Variants in RELL1 observed in about 807,000 individuals in gnomAD.
RELL1 encodes the protein RELT-like protein 1.
In RELL1, 10 loss-of-function variants were observed where a neutral mutation model predicts 23.0. That is an observed-to-expected ratio of 0.43 (90% CI 0.27 to 0.74). The LOEUF is 0.74. RELL1 is among the 30% of genes least tolerant of loss of function. The probability of loss-of-function intolerance (pLI) is 0.19; values close to 1 mark genes in which losing one functional copy is unlikely to be tolerated. For missense variants in RELL1, 315 were observed against 364.4 expected (o/e 0.86, Z 1.10); for synonymous variants, 146 against 146.8 (o/e 0.99, Z 0.04).
At chr4:37,602,029 C>T (rs1577556202) in intron 6 of RELL1, among the ~76,000 whole-genome samples, 1 of 151,626 alleles carries the variant, frequency 6.6e-6, no homozygotes. Context: ...GCCTGGGCAA[C>T]GTGAAAAAAA....
At chr4:37,669,437 C>T (rs1392630402) in intron 1 of RELL1, among the ~76,000 whole-genome samples, 1 of 150,910 alleles carries the variant, frequency 6.6e-6, no homozygotes, top group Admixed American at 6.6e-5. Flanking sequence ...CCCGGCCAGC[C>T]ACCCCGTCCG....
intron 1 of RELL1, among the ~76,000 whole-genome samples, chr4:37,684,840 C>T (rs1722344863): frequency 6.6e-6 from 1 of 152,190 alleles, no homozygotes; most frequent in South Asian, 2.1e-4. Context: ...GTAATCCCAG[C>T]TGCTCAGAAG....
At chr4:37,624,659 G>A (rs1239893094) in intron 6 of RELL1, among the ~76,000 whole-genome samples, 1 of 151,790 alleles carries the variant, frequency 6.6e-6, no homozygotes, top group Non-Finnish European at 1.5e-5. Flanking sequence ...TCGATCTCCT[G>A]ACCTCGTGAT....
intron 6 of RELL1, among the ~76,000 whole-genome samples, chr4:37,631,076 A>G (rs1476003291): frequency 2.0e-5 from 3 of 152,180 alleles, no homozygotes; most frequent in Admixed American, 1.3e-4. Flanking sequence ...CAAGCCCTAT[A>G]TGGTGGGTGA....
At chr4:37,682,429 A>G (rs1004966815) in intron 1 of RELL1, among the ~76,000 whole-genome samples, 18 of 152,328 alleles carry the variant, frequency 1.2e-4, no homozygotes, top group Non-Finnish European at 1.9e-4. Context: ...TCATTTCTCT[A>G]TTGTTTCAAT....
chr4:37,631,476 C>T lies in RELL1; in HGVS notation c.728G>A (p.Arg243Lys). The part of the protein sequence containing the change: ...VEHKSNQKER[R>K]SLMSVSGAET... ...AGCCCCACTAACAGACATCAGGCTT[C>T]TCCGTTCCTTCTGGTTTGACTTGTG... is the stretch of plus-strand genomic sequence containing the variant. The change falls in exon 6 of 7, where the codon AGA becomes AAA. Residue 243 changes from arginine to lysine, a missense_variant. Transcript: ENST00000454158. 1 of 1,614,148 alleles carries T rather than the reference C, an allele frequency of 6.2e-7. No homozygotes were observed. The highest frequency in any genetic ancestry group is 8.5e-7 in the Non-Finnish European group (1 of 1,180,026).
intron 6 of RELL1, among the ~76,000 whole-genome samples, chr4:37,604,890 C>CACAG (rs1560323937): frequency 1.4e-4 from 6 of 44,266 alleles, no homozygotes; most frequent in Non-Finnish European, 2.6e-4. Context: ...TACACACAGA[C>CACAG]ACACACACAG....
At chr4:37,629,007 A>G (rs1009971761) in intron 6 of RELL1, among the ~76,000 whole-genome samples, 6 of 152,198 alleles carry the variant, frequency 3.9e-5, no homozygotes, top group South Asian at 2.1e-4. Flanking sequence ...TCCCAGATCT[A>G]GAGTACCGCT....
rs906415074 is a variant in RELL1, at chr4:37,626,020, A to G, written c.*3+5365T>C. Among the ~76,000 whole-genome samples, 8 of 152,346 alleles carry G rather than the reference A, an allele frequency of 5.3e-5. No individual in the cohort carries two copies. In the East Asian group the frequency reaches 1.5e-3, roughly 29 times the overall value. On this transcript the variant is annotated intron_variant, in intron 6 of 6. Coordinates refer to ENST00000454158, the MANE Select transcript of RELL1 (RefSeq NM_001085400.2). ...CTCAACATTACTAATCATCATGGAA[A>G]TATAAATTAAAACTATAATGAGATA...
In RELL1 at chr4:37,637,084, C is replaced by A. The variant is rs1280391201; in HGVS notation, c.443+1363G>T. The stretch of plus-strand genomic sequence containing the variant: ...TCATTCAACAAGCATTTCTCAAGTA[C>A]CAGCTATGTACAAAACCCACTGACG... On this transcript the variant is annotated intron_variant, in intron 4 of 6. Transcript: ENST00000454158. Among the ~76,000 whole-genome samples, 3 of 152,190 alleles carry A rather than the reference C, an allele frequency of 2.0e-5. No individual in the cohort carries two copies. The East Asian group carries it at 5.8e-4, about 29-fold the overall frequency.
intron 6 of RELL1, among the ~76,000 whole-genome samples, chr4:37,619,158 C>G (rs1214553983): frequency 3.3e-5 from 5 of 151,086 alleles, no homozygotes; most frequent in Non-Finnish European, 5.9e-5. Context: ...GGATCACAGG[C>G]GTGAGCCACT....
At chr4:37,660,232 G>A (rs145349831) in intron 1 of RELL1, among the ~76,000 whole-genome samples, 4 of 151,594 alleles carry the variant, frequency 2.6e-5, no homozygotes, top group Non-Finnish European at 5.9e-5. Context: ...CCAGCTACCT[G>A]TGTGATACTG....
At chr4:37,665,299 G>A (rs1019698443) in intron 1 of RELL1, 3 of 456,148 alleles carry the variant, frequency 6.6e-6, no homozygotes, top group African/African-American at 6.0e-5. Flanking sequence ...TCACCCCCTT[G>A]TTGGGTAAGT....
intron 6 of RELL1, among the ~76,000 whole-genome samples, chr4:37,597,479 A>T (rs1026543339): frequency 6.6e-6 from 1 of 152,216 alleles, no homozygotes; most frequent in Admixed American, 6.5e-5. Context: ...GGTCCAACTC[A>T]TTCTTTTCCA....
At chr4:37,590,590 C>T (rs143923373), downstream of RELL1, 72 of 1,614,140 alleles carry the variant, frequency 4.5e-5, no homozygotes, top group African/African-American at 5.7e-4. Flanking sequence ...AGTACAAGAC[C>T]ATGTCTTCCA....
chr4:37,686,201 C>T lies in RELL1; in HGVS notation c.87G>A (p.Pro29=), dbSNP rs1270591461. Residue 29 remains proline (P), a splice_region_variant and synonymous_variant, in exon 1 of 7, where the codon CCG becomes CCA. Transcript: ENST00000454158. ...CCCCGGCTACGACCGGACACTCACC[C>T]GGAGCCACCAGCGGCGAACTCACGG... ...GGAVSSPLVA[P]DNGSSRTLHS... 4 of 1,579,620 alleles carry T rather than the reference C, an allele frequency of 2.5e-6. No homozygotes were observed. The South Asian group carries it at 3.4e-5, about 13-fold the overall frequency.
At chr4:37,598,244 C>T (rs1259306583) in intron 6 of RELL1, among the ~76,000 whole-genome samples, 3 of 49,362 alleles carry the variant, frequency 6.1e-5, no homozygotes, top group African/African-American at 2.7e-4. Flanking sequence ...CAAAGTGCAA[C>T]TCTGTCTCAA....
intron 1 of RELL1, among the ~76,000 whole-genome samples, chr4:37,657,877 A>G (rs1016972897): frequency 2.6e-5 from 4 of 152,094 alleles, no homozygotes; most frequent in African/African-American, 9.7e-5. Flanking sequence ...GTGCCACTCT[A>G]CTGGGAGGGT....
intron 3 of RELL1, among the ~76,000 whole-genome samples, chr4:37,639,110 C>G (rs561571677): frequency 6.6e-6 from 1 of 152,246 alleles, no homozygotes; most frequent in Admixed American, 6.5e-5. Context: ...ATTGGCCAGG[C>G]GCTGTGGCTC....
Sources: allele counts gnomAD v4.1 joint callset (sites outside exome capture counted in the v4.1 genomes callset), GRCh38; gene constraint gnomAD v4.1.1; transcripts MANE v1.5; gene names NCBI Gene and HGNC (gene_info 2026-07-23, HGNC 2026-07-21).